RCAN2: variants seen among roughly 807,000 people sequenced by gnomAD.
RCAN2 encodes calcipressin-2.
A neutral mutation model predicts 23.6 loss-of-function variants in RCAN2; 9 were observed. That is an observed-to-expected ratio of 0.38 (90% CI 0.23 to 0.67). RCAN2 has a LOEUF of 0.67. Among genes scored for constraint, RCAN2 ranks in the 30% least tolerant of loss-of-function variants. The pLI, the probability that RCAN2 is intolerant of heterozygous loss-of-function variation, is 0.51. For missense variants in RCAN2, 273 were observed against 302.3 expected (o/e 0.90, Z 0.72); for synonymous variants, 109 against 115.7 (o/e 0.94, Z 0.37).
chr6:46,425,775 C>A (rs1767014136), intron 2 of RCAN2, among the ~76,000 whole-genome samples: 1 of 151,626 alleles, frequency 6.6e-6, no homozygotes, highest in South Asian at 2.1e-4. Context: ...CTCAGCCATC[C>A]TTATGAGATA....
intron 4 of RCAN2, among the ~76,000 whole-genome samples, chr6:46,226,952 A>G (rs1213088813): frequency 6.6e-6 from 1 of 152,180 alleles, no homozygotes; most frequent in Non-Finnish European, 1.5e-5. Flanking sequence ...TACTTTTGAG[A>G]TATGTTCCAT....
intron 2 of RCAN2, among the ~76,000 whole-genome samples, chr6:46,256,803 GA>G: frequency 6.6e-6 from 1 of 152,324 alleles, no homozygotes; most frequent in East Asian, 1.9e-4. Context: ...AACAAGTGTA[GA>G]AACATACATT....
At position 46,233,721 on chromosome 6, in the gene RCAN2, C is replaced by CTTTTTTTTTTTTTTTTTTT. The variant is rs1240948992; in HGVS notation, c.572-10421_572-10420insAAAAAAAAAAAAAAAAAAA. Among the ~76,000 whole-genome samples, 11 of 130,770 alleles carry CTTTTTTTTTTTTTTTTTTT rather than the reference C, an allele frequency of 8.4e-5. 1 individual carries two copies. Among genetic ancestry groups the CTTTTTTTTTTTTTTTTTTT allele is most frequent in the Non-Finnish European group, 8.1e-5 (5 of 61,802 alleles). The allele number at this position is 130,770 out of a possible 152,430, so 85.8% of individuals were successfully genotyped here. A position where few individuals can be genotyped will look rare whatever the true frequency, so the allele number is the denominator to read the frequency against. ...TCCCTGGCTGAGATGAAGAACACTT[C>CTTTTTTTTTTTTTTTTTTT]TTTTTTTTTTTTTTTTTTCTTGAGA... On this transcript the variant is annotated intron_variant, in intron 4 of 4. Coordinates refer to ENST00000371374, the MANE Select transcript of RCAN2 (RefSeq NM_001251974.2).
At chr6:46,434,243 A>G (rs1335544910) in intron 2 of RCAN2, among the ~76,000 whole-genome samples, 1 of 152,184 alleles carries the variant, frequency 6.6e-6, no homozygotes, top group Non-Finnish European at 1.5e-5. Context: ...AACCAATCCA[A>G]TGGTAACTCC....
intron 1 of RCAN2, among the ~76,000 whole-genome samples, chr6:46,469,834 G>T (rs545344808): frequency 6.6e-6 from 1 of 152,306 alleles, no homozygotes; most frequent in South Asian, 2.1e-4. Context: ...ATGAGATTAA[G>T]GTACTTACAA....
intron 2 of RCAN2, among the ~76,000 whole-genome samples, chr6:46,364,436 G>T (rs531038890): frequency 2.6e-5 from 4 of 152,076 alleles, no homozygotes; most frequent in Non-Finnish European, 5.9e-5. Flanking sequence ...ATTAGGCAGG[G>T]TTATCAGTAA....
intron 1 of RCAN2, among the ~76,000 whole-genome samples, chr6:46,471,434 G>T (rs771820183): frequency 6.6e-6 from 1 of 152,170 alleles, no homozygotes; most frequent in African/African-American, 2.4e-5. Context: ...TAATGTACAC[G>T]TGGTATTTGC....
chr6:46,478,969 C>T lies in RCAN2; in HGVS notation c.-3+12204G>A, dbSNP rs552923273. On this transcript the variant is annotated intron_variant, in intron 1 of 4. Transcript: ENST00000371374. The stretch of plus-strand genomic sequence containing the variant: ...GAGTTATCAGAATCAGGACAAAGGA[C>T]GACAAAGAATCTACAAGCATCTTGA... 7.6e-4 allele frequency among the ~76,000 whole-genome samples: 116 copies of T among 152,258 alleles called. No homozygotes were observed. The Middle Eastern group carries it at 0.02, about 27-fold the overall frequency.
At chr6:46,449,743 T>A (rs149029006) in intron 2 of RCAN2, among the ~76,000 whole-genome samples, 44 of 151,934 alleles carry the variant, frequency 2.9e-4, no homozygotes, top group African/African-American at 9.9e-4. Flanking sequence ...TCTTTAATAA[T>A]AATAATGTTG....
chr6:46,317,353 G>C (rs1272941985), intron 2 of RCAN2, among the ~76,000 whole-genome samples: 4 of 152,146 alleles, frequency 2.6e-5, no homozygotes, highest in African/African-American at 7.2e-5. Context: ...CTTCTGATAA[G>C]AAATAGACAA....
intron 2 of RCAN2, among the ~76,000 whole-genome samples, chr6:46,257,756 C>T (rs565223258): frequency 6.6e-6 from 1 of 152,246 alleles, no homozygotes; most frequent in East Asian, 1.9e-4. Context: ...ACCATATTAC[C>T]TAGAAAGCAA....
intron 2 of RCAN2, among the ~76,000 whole-genome samples, chr6:46,423,712 G>A (rs753991195): frequency 1.3e-5 from 2 of 151,954 alleles, no homozygotes; most frequent in African/African-American, 2.4e-5. Context: ...AAATCCTATT[G>A]TCTTAGATAG....
chr6:46,252,277 T>C (rs1766756804), intron 2 of RCAN2, among the ~76,000 whole-genome samples: 2 of 152,084 alleles, frequency 1.3e-5, no homozygotes, highest in Admixed American at 6.6e-5. Flanking sequence ...TTACAGAAAA[T>C]CTTCTGTGGT....
chr6:46,385,231 G>A (rs1231299652), intron 2 of RCAN2, among the ~76,000 whole-genome samples: 1 of 152,152 alleles, frequency 6.6e-6, no homozygotes, highest in Non-Finnish European at 1.5e-5. Context: ...GGAAAATACA[G>A]GAGAGGCACA....
At chr6:46,489,167 C>T (rs1344688684) in intron 1 of RCAN2, among the ~76,000 whole-genome samples, 1 of 152,120 alleles carries the variant, frequency 6.6e-6, no homozygotes, top group Non-Finnish European at 1.5e-5. Context: ...GAATACCCAG[C>T]CCCTTCTCTA....
intron 2 of RCAN2, among the ~76,000 whole-genome samples, chr6:46,350,917 C>A (rs554882052): frequency 6.6e-6 from 1 of 152,270 alleles, no homozygotes; most frequent in South Asian, 2.1e-4. Flanking sequence ...CCCCAAACTG[C>A]CTCTCATGAG....
rs1460353325 is a variant in RCAN2 at position 46,491,244 on chromosome 6, C to T, written c.-74G>A. 4 of 151,636 alleles carry T rather than the reference C, an allele frequency of 2.6e-5. No individual in the cohort carries two copies. The highest frequency in any genetic ancestry group is 4.4e-5 in the Non-Finnish European group (3 of 67,940). The allele number at this position is 151,636 out of a possible 1,614,324, so 9.4% of individuals were successfully genotyped here. ...CGGCTGGGGCGTCTACGGGGGCCAG[C>T]TGCTAGCGCGCGGCGCTGCCTGCTC... On this transcript the variant is annotated 5_prime_UTR_variant, in exon 1 of 5. Transcript: ENST00000371374.
chr6:46,379,776 A>G (rs1284936929), intron 2 of RCAN2, among the ~76,000 whole-genome samples: 1 of 152,182 alleles, frequency 6.6e-6, no homozygotes, highest in Non-Finnish European at 1.5e-5. Context: ...AAGTGTGGTT[A>G]AGGGTGTGAA....
chr6:46,301,922 C>A (rs1022387528), intron 2 of RCAN2, among the ~76,000 whole-genome samples: 2 of 152,008 alleles, frequency 1.3e-5, no homozygotes, highest in Non-Finnish European at 2.9e-5. Context: ...TCATTCTAAG[C>A]GCAACAGGGA....
Sources: gnomAD v4.1 joint callset for allele counts (sites outside exome capture counted in the v4.1 genomes callset) on GRCh38, gnomAD v4.1.1 for gene constraint, MANE v1.5 for transcripts, NCBI Gene and HGNC (gene_info 2026-07-23, HGNC 2026-07-21) for gene names.